Variants in WASHC5 observed in about 807,000 individuals in gnomAD.
The protein encoded by WASHC5 is WASH complex subunit 5.
A neutral mutation model predicts 150.4 loss-of-function variants in WASHC5; 101 were observed. That is an observed-to-expected ratio of 0.67 (90% CI 0.57 to 0.79). The LOEUF (loss-of-function observed/expected upper bound fraction) is 0.79, where lower values mean the gene tolerates loss of function less well. Ranked by LOEUF, WASHC5 falls within the 30% of genes least tolerant of loss-of-function variation. The pLI is 0.00. For missense variants in WASHC5, 1,195 were observed against 1,396.3 expected (o/e 0.86, Z 2.30); for synonymous variants, 467 against 491.2 (o/e 0.95, Z 0.65).
chr8:125,056,873 C>T (rs1816423334), intron 15 of WASHC5, 56 bp from the exon 16 acceptor site: 13 of 1,609,584 alleles, frequency 8.1e-6, no homozygotes, highest in Non-Finnish European at 1.1e-5. Context: ...CTTTTCTTGG[C>T]TGACAAATAT....
At chr8:125,083,666 G>C in intron 2 of WASHC5, 47 bp downstream of exon 2, 1 of 1,456,690 alleles carries the variant, frequency 6.9e-7, no homozygotes, top group Non-Finnish European at 9.5e-7. Context: ...GAGAAAACAC[G>C]CTTTTGTAGA....
chr8:125,049,182 T>C lies in WASHC5; in HGVS notation c.2203A>G (p.Ser735Gly). ...TCTTTCAGCTTGGGCATCAATTCAC[T>C]TGGCTGTGGAAAAGGGGAAACATAA... The part of the protein sequence containing the change: ...GLIFNPRAKP[S>G]ELMPKLKELG... Residue 735 changes from serine (S) to glycine (G), a missense_variant, in exon 19 of 29, where the codon AGT (serine) becomes GGT (glycine). Transcript: ENST00000318410. 1 of 1,614,164 alleles carries C rather than the reference T, an allele frequency of 6.2e-7. No homozygotes were observed.
At chr8:125,057,923 A>G (rs1355907222) in intron 14 of WASHC5, among the ~76,000 whole-genome samples, 3 of 151,954 alleles carry the variant, frequency 2.0e-5, no homozygotes, top group Non-Finnish European at 2.9e-5. Flanking sequence ...TCCACTCCAC[A>G]CTGACTTAGT....
rs946703250 is a variant in WASHC5, at chr8:125,032,898, G to A, written c.3182-504C>T. 3.3e-5 allele frequency among the ~76,000 whole-genome samples: 5 copies of A among 151,926 alleles called. No homozygotes were observed. The South Asian group carries it at 8.3e-4, about 25-fold the overall frequency. ...AGAAGGATATTTATGAAGTGAATGA[G>A]TATCAAAGCTGGCCTTTACACTAAC... On this transcript the variant is annotated intron_variant, in intron 26 of 28. Transcript: ENST00000318410.
At chr8:125,039,347 C>T (rs1402407431) in intron 24 of WASHC5, among the ~76,000 whole-genome samples, 1 of 152,156 alleles carries the variant, frequency 6.6e-6, no homozygotes, top group Non-Finnish European at 1.5e-5. Context: ...CTAGGACAGG[C>T]CTCCATAACC....
intron 10 of WASHC5, among the ~76,000 whole-genome samples, chr8:125,064,917 G>A (rs1323877480): frequency 6.6e-6 from 1 of 152,166 alleles, no homozygotes; most frequent in Non-Finnish European, 1.5e-5. Context: ...ATGACGGAGA[G>A]GATGAGGAAT....
chr8:125,073,802 T>C (rs1816973222), intron 8 of WASHC5, among the ~76,000 whole-genome samples: 1 of 152,234 alleles, frequency 6.6e-6, no homozygotes, highest in Admixed American at 6.5e-5. Flanking sequence ...TGGTGTGACT[T>C]GGGGCTTAAC....
intron 7 of WASHC5, among the ~76,000 whole-genome samples, chr8:125,076,077 T>C (rs960598912): frequency 3.9e-5 from 6 of 152,214 alleles, no homozygotes; most frequent in African/African-American, 1.2e-4. Flanking sequence ...GTAATCTCAG[T>C]AGCTAAAGCA....
chr8:125,034,558 G>A (rs1416094158), intron 26 of WASHC5, among the ~76,000 whole-genome samples: 10 of 152,224 alleles, frequency 6.6e-5, no homozygotes, highest in East Asian at 1.9e-4. Flanking sequence ...AAATAATGGC[G>A]AGGATGTGGA....
chr8:125,074,449 A>G (rs888376087), intron 8 of WASHC5, among the ~76,000 whole-genome samples: 3 of 152,170 alleles, frequency 2.0e-5, no homozygotes, highest in African/African-American at 7.2e-5. Context: ...ATGCTCCCCA[A>G]GATTTTATCT....
intron 8 of WASHC5, among the ~76,000 whole-genome samples, chr8:125,074,284 G>A (rs1816985429): frequency 6.6e-6 from 1 of 152,194 alleles, no homozygotes; most frequent in Non-Finnish European, 1.5e-5. Flanking sequence ...TCTAGGAGAT[G>A]TGCCAACATT....
At chr8:125,047,178 AG>A in intron 20 of WASHC5, 28 bp downstream of exon 20, 1 of 1,613,436 alleles carries the variant, frequency 6.2e-7, no homozygotes, top group Non-Finnish European at 8.5e-7. Flanking sequence ...TGCAGTATTC[AG>A]GGCTCTGTAG....
chr8:125,027,279 G>A (rs1361710838), intron 28 of WASHC5, among the ~76,000 whole-genome samples: 1 of 152,190 alleles, frequency 6.6e-6, no homozygotes. Context: ...TAACTACCCA[G>A]AGGAAAAGAA....
intron 2 of WASHC5, 113 bp downstream of exon 2, chr8:125,083,600 T>C: frequency 2.4e-6 from 2 of 836,156 alleles, no homozygotes; most frequent in Non-Finnish European, 3.7e-6. Flanking sequence ...GTCGAAAAGC[T>C]CTTCTCTTTA....
chr8:125,055,956 T>C (rs1816391809), intron 16 of WASHC5, among the ~76,000 whole-genome samples: 1 of 152,204 alleles, frequency 6.6e-6, no homozygotes, highest in African/African-American at 2.4e-5. Flanking sequence ...TGGGCCCTTT[T>C]GGCTAGAAAA....
At chr8:125,086,850 C>T (rs1817435386) in intron 1 of WASHC5, among the ~76,000 whole-genome samples, 1 of 152,152 alleles carries the variant, frequency 6.6e-6, no homozygotes, top group Non-Finnish European at 1.5e-5. Flanking sequence ...AGTCCTGACA[C>T]AGAAGAGAAT....
At chr8:125,039,012 C>A in intron 24 of WASHC5, 53 bp from the exon 25 acceptor site, 1 of 1,576,556 alleles carries the variant, frequency 6.3e-7, no homozygotes, top group Non-Finnish European at 8.7e-7. Context: ...TGAATTTATA[C>A]AAGAGTTAAT....
At chr8:125,069,247 T>C (rs1816834230) in intron 9 of WASHC5, among the ~76,000 whole-genome samples, 1 of 152,230 alleles carries the variant, frequency 6.6e-6, no homozygotes, top group Non-Finnish European at 1.5e-5. Context: ...CTGGCATATA[T>C]TGACCCTTGC....
chr8:125,028,588 A>G (rs1815438729), intron 28 of WASHC5, 32 bp downstream of exon 28: 1 of 1,466,560 alleles, frequency 6.8e-7, no homozygotes, highest in Non-Finnish European at 9.6e-7. Context: ...TTTTACAACT[A>G]TTAATATTGT....
Sources: gnomAD v4.1 joint callset for allele counts (sites outside exome capture counted in the v4.1 genomes callset) on GRCh38, gnomAD v4.1.1 for gene constraint, MANE v1.5 for transcripts, NCBI Gene and HGNC (gene_info 2026-07-23, HGNC 2026-07-21) for gene names.